Variants in NUDT4 observed in about 807,000 individuals in gnomAD.
The protein encoded by NUDT4 is diphosphoinositol polyphosphate phosphohydrolase 2.
Under a neutral mutation model 23.1 loss-of-function variants are expected in NUDT4, and 5 were observed. That is an observed-to-expected ratio of 0.22 (90% CI 0.11 to 0.46). NUDT4 has a LOEUF of 0.46. NUDT4 is among the 20% of genes least tolerant of loss of function. The pLI is 0.99. For missense variants in NUDT4, 96 were observed against 211.6 expected (o/e 0.45, Z 3.39); for synonymous variants, 50 against 79.0 (o/e 0.63, Z 1.95).
Position 93,403,144 on chromosome 12 carries a change from T to C in NUDT4, c.*3765T>C, listed in dbSNP as rs1157244541. 1 of 152,026 alleles carries C rather than the reference T, an allele frequency of 6.6e-6. No individual in the cohort carries two copies. Among genetic ancestry groups the C allele is most frequent in the East Asian group, 1.9e-4 (1 of 5,170 alleles). 9.4% of individuals were successfully genotyped at this position (152,026 alleles called of 1,614,324 possible). ...CAGCCTTCTCAAAGTGCTAGGATGATTGGCATGAGCCACCTCGTCTGGCCT... is the reference window on the plus strand; with the variant it reads ...CAGCCTTCTCAAAGTGCTAGGATGACTGGCATGAGCCACCTCGTCTGGCCT... On this transcript the variant is annotated 3_prime_UTR_variant, in exon 5 of 5. Transcript: ENST00000415493.
At chr12:93,388,837 G>A (rs1876286717) in intron 1 of NUDT4, among the ~76,000 whole-genome samples, 2 of 152,142 alleles carry the variant, frequency 1.3e-5, no homozygotes, top group Non-Finnish European at 2.9e-5. Flanking sequence ...ACTGGACTAA[G>A]GAATTGAATT....
Position 93,406,618 on chromosome 12 carries a change from T to C in NUDT4, c.*7239T>C, listed in dbSNP as rs1321800703. ...ACCAGACAAAATATTCCAAAAAACA[T>C]TGTGTCTGTAGTCAACATGTATATT... On this transcript the variant is annotated 3_prime_UTR_variant, in exon 5 of 5. Coordinates refer to ENST00000415493, the MANE Select transcript of NUDT4 (RefSeq NM_019094.6). 2.0e-5 allele frequency: 3 copies of C among 152,282 alleles called. No homozygotes were observed. Among genetic ancestry groups the C allele is most frequent in the African/African-American group, 4.8e-5 (2 of 41,472 alleles). 9.4% of individuals were successfully genotyped at this position (152,282 alleles called of 1,614,324 possible).
At chr12:93,392,086 G>A (rs1443525852) in intron 1 of NUDT4, among the ~76,000 whole-genome samples, 3 of 151,848 alleles carry the variant, frequency 2.0e-5, no homozygotes, top group Non-Finnish European at 4.4e-5. Flanking sequence ...GTTTCACCAT[G>A]TTGGCCAGGT....
At chr12:93,385,763 CTAT>C (rs938402683) in intron 1 of NUDT4, among the ~76,000 whole-genome samples, 1 of 150,884 alleles carries the variant, frequency 6.6e-6, no homozygotes, top group Non-Finnish European at 1.5e-5. Context: ...GAGCAGCTGC[CTAT>C]TATTTGAAAT....
chr12:93,387,850 G>A (rs1432065269), intron 1 of NUDT4, among the ~76,000 whole-genome samples: 1 of 152,034 alleles, frequency 6.6e-6, no homozygotes, highest in East Asian at 1.9e-4. Flanking sequence ...CTCTACTAAT[G>A]CTGTTCATAT....
In NUDT4 at chr12:93,403,491, T is replaced by A. The variant is rs1182190376; in HGVS notation, c.*4112T>A. On this transcript the variant is annotated 3_prime_UTR_variant, in exon 5 of 5. Transcript: ENST00000415493. ...CTGCCACCACGCCCGGCTAATTTTT[T>A]TGTATTTTTAGTAGAGACGGGGTTT... is the stretch of plus-strand genomic sequence containing the variant. The A allele has an allele frequency of 1.3e-5, 2 of 152,186 alleles. No homozygotes were observed. The highest frequency in any genetic ancestry group is 2.9e-5 in the Non-Finnish European group (2 of 68,094). The allele number at this position is 152,186 out of a possible 1,614,324, so 9.4% of individuals were successfully genotyped here.
intron 1 of NUDT4, among the ~76,000 whole-genome samples, chr12:93,379,466 A>C (rs190433143): frequency 7.9e-5 from 12 of 152,342 alleles, no homozygotes; most frequent in Non-Finnish European, 1.6e-4. Flanking sequence ...TGGCTTCCTT[A>C]CTGCTAGTCC....
At chr12:93,378,817 C>T (rs901017121) in intron 1 of NUDT4, 2 of 990,292 alleles carry the variant, frequency 2.0e-6, no homozygotes, top group Non-Finnish European at 1.2e-6. Context: ...AGCCCTTGTG[C>T]CTCTTTTACA....
chr12:93,386,276 A>G (rs747637367), intron 1 of NUDT4, among the ~76,000 whole-genome samples: 3 of 152,072 alleles, frequency 2.0e-5, no homozygotes, highest in East Asian at 2.0e-4. Context: ...CCTGGCCTAT[A>G]GAAGATATTA....
chr12:93,387,205 T>TA (rs1329407630), intron 1 of NUDT4, among the ~76,000 whole-genome samples: 1 of 152,202 alleles, frequency 6.6e-6, no homozygotes, highest in Non-Finnish European at 1.5e-5. Context: ...GTGCTGGGAT[T>TA]ACAGGTATGA....
rs1428573356 is a variant in NUDT4 at position 93,404,890 on chromosome 12, T to A, written c.*5511T>A. 3 of 150,878 alleles carry A rather than the reference T, an allele frequency of 2.0e-5. No individual in the cohort carries two copies. Among genetic ancestry groups the A allele is most frequent in the African/African-American group, 7.4e-5 (3 of 40,356 alleles). The allele number at this position is 150,878 out of a possible 1,614,324, so 9.3% of individuals were successfully genotyped here. A position where few individuals can be genotyped will look rare whatever the true frequency, so the allele number is the denominator to read the frequency against. ...GTTTGTACGGCCAACAAGTTTAAAA[T>A]TTTTTTAATGTTTTAGGTTTTTTTT... On this transcript the variant is annotated 3_prime_UTR_variant, in exon 5 of 5. Transcript: ENST00000415493.
At chr12:93,393,330 C>G (rs1011271461) in intron 1 of NUDT4, among the ~76,000 whole-genome samples, 2 of 151,938 alleles carry the variant, frequency 1.3e-5, no homozygotes, top group Admixed American at 6.6e-5. Flanking sequence ...TGTGGAACTC[C>G]TGACCTCAGG....
At chr12:93,392,598 G>GT (rs1436050521) in intron 1 of NUDT4, among the ~76,000 whole-genome samples, 1 of 136,526 alleles carries the variant, frequency 7.3e-6, no homozygotes, top group Non-Finnish European at 1.6e-5. Flanking sequence ...CCTGTTACCT[G>GT]TTAAATAAAA....
intron 3 of NUDT4, among the ~76,000 whole-genome samples, chr12:93,398,338 C>CAAA (rs34651915): frequency 4.4e-4 from 33 of 75,214 alleles, no homozygotes; most frequent in South Asian, 1.3e-3. Context: ...CTCCCTGTCT[C>CAAA]AAAAAAAAAA....
intron 1 of NUDT4, among the ~76,000 whole-genome samples, chr12:93,391,881 A>T (rs903258399): frequency 6.6e-6 from 1 of 151,976 alleles, no homozygotes; most frequent in Non-Finnish European, 1.5e-5. Context: ...TGACTTATTT[A>T]TTTTTATTTT....
rs1877814023 is a variant in NUDT4, at chr12:93,406,305, A to AAG, written c.*6926_*6927insAG. ...AAAAAAAAAAAAAAAAAAAAAAAAAAGGTTCCTGAACCATTCAACAGAAAA... is the reference window on the plus strand; with the variant it reads ...AAAAAAAAAAAAAAAAAAAAAAAAAAAGGGTTCCTGAACCATTCAACAGAAAA... On this transcript the variant is annotated 3_prime_UTR_variant, in exon 5 of 5. Coordinates refer to ENST00000415493, the MANE Select transcript of NUDT4 (RefSeq NM_019094.6). 2.2e-5 allele frequency: 3 copies of AAG among 136,294 alleles called. No individual in the cohort carries two copies. The highest frequency in any genetic ancestry group is 4.9e-5 in the Non-Finnish European group (3 of 61,678). The allele number at this position is 136,294 out of a possible 1,614,324, so 8.4% of individuals were successfully genotyped here. A position where few individuals can be genotyped will look rare whatever the true frequency, so the allele number is the denominator to read the frequency against.
At chr12:93,396,395 G>GA (rs1414893293) in intron 3 of NUDT4, among the ~76,000 whole-genome samples, 1 of 152,182 alleles carries the variant, frequency 6.6e-6, no homozygotes, top group Non-Finnish European at 1.5e-5. Flanking sequence ...GGAAGCCAGG[G>GA]AGAAAGGAGG....
Position 93,405,889 on chromosome 12 carries a change from T to C in NUDT4, c.*6510T>C, listed in dbSNP as rs1258690920. ...ATTACATTTTTCTTAAATAAAGCAA[T>C]AAATTAGGTACCCTATTATCATGGT... On this transcript the variant is annotated 3_prime_UTR_variant, in exon 5 of 5. Transcript: ENST00000415493. 2.0e-5 allele frequency: 3 copies of C among 152,184 alleles called. No homozygotes were observed. Among genetic ancestry groups the C allele is most frequent in the Admixed American group, 2.0e-4 (3 of 15,274 alleles). The allele number at this position is 152,184 out of a possible 1,614,324, so 9.4% of individuals were successfully genotyped here.
rs1565777284 is a variant in NUDT4, at chr12:93,385,941, T to TA, written c.99+7520_99+7521insA. 5.8e-3 allele frequency among the ~76,000 whole-genome samples: 611 copies of TA among 104,598 alleles called. 12 individuals carry two copies. Among genetic ancestry groups the TA allele is most frequent in the East Asian group, 0.03 (90 of 2,968 alleles). The allele number at this position is 104,598 out of a possible 152,430, so 68.6% of individuals were successfully genotyped here. A position where few individuals can be genotyped will look rare whatever the true frequency, so the allele number is the denominator to read the frequency against. ...ATATATATATATATAGTAAATCTTTTTATATATATATATATATATATATAT... is the reference window on the plus strand; with the variant it reads ...ATATATATATATATAGTAAATCTTTTATATATATATATATATATATATATAT... On this transcript the variant is annotated intron_variant, in intron 1 of 4. Transcript: ENST00000415493.
Sources: allele counts gnomAD v4.1 joint callset (sites outside exome capture counted in the v4.1 genomes callset), GRCh38; gene constraint gnomAD v4.1.1; transcripts MANE v1.5; gene names NCBI Gene and HGNC (gene_info 2026-07-23, HGNC 2026-07-21).